The following TENM3 variants were observed in gnomAD, a reference collection of about 807,000 sequenced individuals.
TENM3 encodes teneurin transmembrane protein 3, also known as teneurin-3.
A neutral mutation model predicts 255.1 loss-of-function variants in TENM3; 63 were observed. The ratio of observed to expected loss-of-function variants is 0.25; its 90% confidence interval spans 0.20 to 0.30. The LOEUF is 0.30. Among genes scored for constraint, TENM3 ranks in the 10% least tolerant of loss-of-function variants. TENM3 has a pLI of 1.00. For missense variants in TENM3, 2,929 were observed against 3,461.1 expected (o/e 0.85, Z 3.86); for synonymous variants, 1,306 against 1,322.3 (o/e 0.99, Z 0.27).
the TENM3 span, among the ~76,000 whole-genome samples, chr4:181,645,346 C>T: frequency 6.6e-6 from 1 of 152,134 alleles, no homozygotes; most frequent in Non-Finnish European, 1.5e-5. Context: ...GCATGGTGCC[C>T]CTCTGTGGCC....
the TENM3 span, among the ~76,000 whole-genome samples, chr4:181,840,315 G>A: frequency 3.3e-5 from 5 of 151,914 alleles, no homozygotes; most frequent in Non-Finnish European, 7.4e-5. Flanking sequence ...ATTTTAATAA[G>A]CGAACATTTT....
At chr4:182,524,529 A>T (rs28650905) in intron 3 of TENM3, among the ~76,000 whole-genome samples, 54,602 of 151,006 alleles carry the variant, frequency 0.36, 10,213 homozygotes, top group Admixed American at 0.41. Context: ...TGGCTATTTT[A>T]TTTTATTTTT....
At chr4:182,711,796 C>CA (rs779591688) in intron 12 of TENM3, among the ~76,000 whole-genome samples, 2 of 152,124 alleles carry the variant, frequency 1.3e-5, no homozygotes, top group African/African-American at 2.4e-5. Flanking sequence ...TTTGGGTTAT[C>CA]ACAGATTTCA....
intron 22 of TENM3, among the ~76,000 whole-genome samples, chr4:182,771,928 T>C (rs1157291850): frequency 2.6e-5 from 4 of 152,154 alleles, no homozygotes; most frequent in Non-Finnish European, 5.9e-5. Flanking sequence ...CCCTCCTGAG[T>C]GCCCGTTCCT....
chr4:182,735,574 A>G (rs929255603), intron 16 of TENM3, among the ~76,000 whole-genome samples: 3 of 152,246 alleles, frequency 2.0e-5, no homozygotes, highest in African/African-American at 7.2e-5. Context: ...CAACATGAAA[A>G]GGCAGCCCTT....
chr4:182,254,880 CAGCAAAA>C (rs1322100059), intron 1 of TENM3, among the ~76,000 whole-genome samples: 2 of 152,016 alleles, frequency 1.3e-5, no homozygotes, highest in African/African-American at 2.4e-5. Context: ...CTGTTACAGT[CAGCAAAA>C]AACAAAAAAC....
chr4:182,277,493 G>T (rs1346462550), intron 1 of TENM3, among the ~76,000 whole-genome samples: 1 of 152,108 alleles, frequency 6.6e-6, no homozygotes, highest in African/African-American at 2.4e-5. Flanking sequence ...GTTGCTCAAA[G>T]GTAGATGGAA....
At chr4:182,141,326 C>T (rs1353405894), upstream of TENM3, 1 of 152,280 alleles carries the variant, frequency 6.6e-6, no homozygotes, top group Non-Finnish European at 1.5e-5. Context: ...CCCGCCATCC[C>T]CGCCCTCTCT....
intron 1 of TENM3, among the ~76,000 whole-genome samples, chr4:182,194,668 T>C (rs1753727962): frequency 1.3e-5 from 2 of 152,290 alleles, no homozygotes; most frequent in Admixed American, 6.5e-5. Flanking sequence ...TCTGCAATGG[T>C]ACAATAGTCT....
At chr4:182,632,200 G>A (rs1751433378) in intron 5 of TENM3, among the ~76,000 whole-genome samples, 2 of 152,134 alleles carry the variant, frequency 1.3e-5, no homozygotes, top group Admixed American at 1.3e-4. Flanking sequence ...TTTATTTAGT[G>A]GCTATTCTTA....
intron 3 of TENM3, among the ~76,000 whole-genome samples, chr4:182,520,914 T>C (rs1213392334): frequency 1.3e-5 from 2 of 152,188 alleles, no homozygotes; most frequent in African/African-American, 2.4e-5. Context: ...CGTTGCAGCT[T>C]TATAGAATTT....
At chr4:182,425,531 G>GC (rs1384528277) in intron 3 of TENM3, among the ~76,000 whole-genome samples, 1 of 152,150 alleles carries the variant, frequency 6.6e-6, no homozygotes, top group Non-Finnish European at 1.5e-5. Context: ...AGTATGTGCT[G>GC]CCTTTTCTGG....
At chr4:181,626,665 C>T in the TENM3 span, among the ~76,000 whole-genome samples, 1 of 152,106 alleles carries the variant, frequency 6.6e-6, no homozygotes, top group Admixed American at 6.5e-5. Flanking sequence ...CTCAGCCATT[C>T]GTGAGGGATC....
the TENM3 span, among the ~76,000 whole-genome samples, chr4:181,740,251 A>T: frequency 6.6e-6 from 1 of 152,136 alleles, no homozygotes; most frequent in Non-Finnish European, 1.5e-5. Flanking sequence ...ACTATATTAG[A>T]TTTCTCTATT....
the TENM3 span, among the ~76,000 whole-genome samples, chr4:182,016,133 A>C: frequency 6.6e-6 from 1 of 152,122 alleles, no homozygotes; most frequent in African/African-American, 2.4e-5. Flanking sequence ...GTTGAGAGAC[A>C]GTTCTCCTTC....
intron 3 of TENM3, among the ~76,000 whole-genome samples, chr4:182,570,784 CGCACCACTGCAATCCA>C (rs1744277325): frequency 6.6e-6 from 1 of 151,588 alleles, no homozygotes; most frequent in Non-Finnish European, 1.5e-5. Context: ...GAGTGGAGAT[CGCACCACTGCAATCCA>C]GCCTGGGTGA....
chr4:182,196,641 G>T (rs1753848642), intron 1 of TENM3, among the ~76,000 whole-genome samples: 1 of 152,194 alleles, frequency 6.6e-6, no homozygotes, highest in Non-Finnish European at 1.5e-5. Flanking sequence ...AGGGCTGATT[G>T]TGGAGAGGAC....
At chr4:181,711,945 T>C in the TENM3 span, among the ~76,000 whole-genome samples, 339 of 152,324 alleles carry the variant, frequency 2.2e-3, no homozygotes, top group African/African-American at 7.3e-3. Context: ...TGATCAGCTC[T>C]AGGAAAATGT....
At chr4:181,770,531 TG>T in the TENM3 span, among the ~76,000 whole-genome samples, 1 of 151,878 alleles carries the variant, frequency 6.6e-6, no homozygotes, top group Non-Finnish European at 1.5e-5. Context: ...ATAAATTAGA[TG>T]GGCGTGGTGG....
Sources: gnomAD v4.1 joint callset for allele counts (sites outside exome capture counted in the v4.1 genomes callset) on GRCh38, gnomAD v4.1.1 for gene constraint, MANE v1.5 for transcripts, NCBI Gene and HGNC (gene_info 2026-07-23, HGNC 2026-07-21) for gene names.